ACVR1C: variants seen among roughly 807,000 people sequenced by gnomAD.
ACVR1C encodes activin A receptor type 1C.
ACVR1C carries 23 observed loss-of-function variants against 57.9 expected under a neutral mutation model. The ratio of observed to expected loss-of-function variants is 0.40; its 90% CI spans 0.29 to 0.56. The LOEUF (loss-of-function observed/expected upper bound fraction) is 0.56. ACVR1C is among the 20% of genes least tolerant of loss of function. ACVR1C has a pLI of 0.50. For missense variants in ACVR1C, 480 were observed against 607.9 expected (o/e 0.79, Z 2.21); for synonymous variants, 214 against 215.3 (o/e 0.99, Z 0.05).
At chr2:157,569,498 C>G (rs1329400906) in intron 2 of ACVR1C, among the ~76,000 whole-genome samples, 348 of 100,192 alleles carry the variant, frequency 3.5e-3, no homozygotes, top group Middle Eastern at 0.011. Context: ...AGAGAAGAAT[C>G]AAATAGACAC....
intron 2 of ACVR1C, among the ~76,000 whole-genome samples, chr2:157,572,464 G>A (rs1201089374): frequency 6.6e-6 from 1 of 151,654 alleles, no homozygotes; most frequent in African/African-American, 2.4e-5. Flanking sequence ...GGAAAAAACT[G>A]ATGTGAAATA....
intron 1 of ACVR1C, among the ~76,000 whole-genome samples, chr2:157,590,438 A>G (rs1046068342): frequency 1.3e-5 from 2 of 151,950 alleles, no homozygotes; most frequent in Non-Finnish European, 2.9e-5. Context: ...AACAAATTCT[A>G]TATCAATCAT....
At chr2:157,608,524 C>G (rs1352499805) in intron 1 of ACVR1C, among the ~76,000 whole-genome samples, 1 of 151,720 alleles carries the variant, frequency 6.6e-6, no homozygotes, top group Admixed American at 6.6e-5. Flanking sequence ...ATTTCCTGCT[C>G]TTCCATTTTT....
rs1303204962 is a variant in ACVR1C at position 157,543,210 on chromosome 2, T to C, written c.944-348A>G. Among the ~76,000 whole-genome samples, 5 of 152,204 alleles carry C rather than the reference T, an allele frequency of 3.3e-5. No individual in the cohort carries two copies. The East Asian group carries it at 9.6e-4, about 29-fold the overall frequency. On this transcript the variant is annotated intron_variant, in intron 5 of 8. Transcript: ENST00000243349. ...GGCAAATATTGTTTTACAAAATAAG[T>C]CTGAAAACTTCTATTACCCCACACC...
chr2:157,554,201 G>GAGAAAGAAAGAAAAAAGAAAGAA, intron 3 of ACVR1C, among the ~76,000 whole-genome samples: 1 of 41,444 alleles, frequency 2.4e-5, no homozygotes, highest in East Asian at 9.1e-4. Context: ...ATAAAGAAGA[G>GAGAAAGAAAGAAAAAAGAAAGAA]AGAAAGAAAG....
chr2:157,548,531 CTACAAGGCTA>C, intron 4 of ACVR1C, among the ~76,000 whole-genome samples: 1 of 151,720 alleles, frequency 6.6e-6, no homozygotes, highest in African/African-American at 2.4e-5. Context: ...TCAAACTATA[CTACAAGGCTA>C]CAGTAACCAA....
chr2:157,551,163 A>T (rs563802561), intron 3 of ACVR1C, among the ~76,000 whole-genome samples: 1 of 152,356 alleles, frequency 6.6e-6, no homozygotes, highest in South Asian at 2.1e-4. Context: ...TGCAGAGATT[A>T]AGAGCACAGG....
intron 1 of ACVR1C, among the ~76,000 whole-genome samples, chr2:157,607,591 T>C (rs963966318): frequency 6.6e-6 from 1 of 151,818 alleles, no homozygotes; most frequent in Non-Finnish European, 1.5e-5. Context: ...ACTCTTCAGA[T>C]CTATGAGCAT....
chr2:157,624,619 G>A (rs780366276), intron 1 of ACVR1C, among the ~76,000 whole-genome samples: 1 of 152,136 alleles, frequency 6.6e-6, no homozygotes. Flanking sequence ...AGAAAACTAG[G>A]TATCCTTTCA....
rs1438429130 is a variant in ACVR1C, at chr2:157,527,779, G to C, written c.*6139C>G. 1.3e-5 allele frequency: 2 copies of C among 152,154 alleles called. No individual in the cohort carries two copies. Among genetic ancestry groups the C allele is most frequent in the Admixed American group, 1.3e-4 (2 of 15,268 alleles). 9.4% of individuals were successfully genotyped at this position (152,154 alleles called of 1,614,324 possible). On this transcript the variant is annotated 3_prime_UTR_variant, in exon 9 of 9. Coordinates refer to ENST00000243349, the MANE Select transcript of ACVR1C (RefSeq NM_145259.3). ...TATTATTTAGCCTATGGAAGAAATA[G>C]AAATATTAGTAAATGTCATTCTACG...
At chr2:157,554,316 A>G (rs1688031459) in intron 3 of ACVR1C, among the ~76,000 whole-genome samples, 2 of 149,878 alleles carry the variant, frequency 1.3e-5, no homozygotes, top group Admixed American at 6.6e-5. Flanking sequence ...AAAGGAAAAG[A>G]AAAAGAAAAA....
chr2:157,599,193 G>A (rs1325286965), intron 1 of ACVR1C, among the ~76,000 whole-genome samples: 1 of 151,656 alleles, frequency 6.6e-6, no homozygotes, highest in Non-Finnish European at 1.5e-5. Context: ...AATTAGCCAG[G>A]CGTGGTGGCG....
chr2:157,589,377 G>T (rs1197105658), intron 1 of ACVR1C, among the ~76,000 whole-genome samples: 1 of 151,626 alleles, frequency 6.6e-6, no homozygotes, highest in Non-Finnish European at 1.5e-5. Flanking sequence ...CTTTTTAATG[G>T]GATTATTTGC....
chr2:157,585,881 T>C (rs1273242256), intron 2 of ACVR1C, among the ~76,000 whole-genome samples: 2 of 152,166 alleles, frequency 1.3e-5, no homozygotes, highest in Admixed American at 6.5e-5. Context: ...AGTATAACTT[T>C]TGAGGTTGCA....
chr2:157,621,570 A>G (rs1258092662), intron 1 of ACVR1C, among the ~76,000 whole-genome samples: 1 of 152,176 alleles, frequency 6.6e-6, no homozygotes, highest in Non-Finnish European at 1.5e-5. Context: ...GGTCATGGCT[A>G]TGTCTTCCTT....
chr2:157,539,806 C>T (rs866650982), intron 7 of ACVR1C, among the ~76,000 whole-genome samples: 2 of 152,116 alleles, frequency 1.3e-5, no homozygotes, highest in African/African-American at 2.4e-5. Context: ...TGTCCATGTT[C>T]GGCACCACTA....
At chr2:157,562,061 C>A (rs566750987) in intron 2 of ACVR1C, among the ~76,000 whole-genome samples, 1 of 152,084 alleles carries the variant, frequency 6.6e-6, no homozygotes, top group Admixed American at 6.5e-5. Context: ...CTTTGGGAGG[C>A]CGAGGTGGGC....
intron 2 of ACVR1C, among the ~76,000 whole-genome samples, chr2:157,566,101 A>G (rs966172179): frequency 1.3e-5 from 2 of 152,250 alleles, no homozygotes; most frequent in Non-Finnish European, 2.9e-5. Flanking sequence ...ATCAAAACAC[A>G]TATTCTCAAA....
chr2:157,540,856 A>G (rs536399004), intron 7 of ACVR1C, among the ~76,000 whole-genome samples: 1 of 152,346 alleles, frequency 6.6e-6, no homozygotes, highest in East Asian at 1.9e-4. Context: ...TGTCACATGG[A>G]AACAAAAATT....
Sources: gnomAD v4.1 joint callset for allele counts (sites outside exome capture counted in the v4.1 genomes callset) on GRCh38, gnomAD v4.1.1 for gene constraint, MANE v1.5 for transcripts, NCBI Gene and HGNC (gene_info 2026-07-23, HGNC 2026-07-21) for gene names.